CYP2J2: variants seen among roughly 807,000 people sequenced by gnomAD.
CYP2J2 encodes the protein cytochrome P450 2J2.
A neutral mutation model predicts 48.8 loss-of-function variants in CYP2J2; 41 were observed. The ratio of observed to expected loss-of-function variants is 0.84; its 90% CI spans 0.66 to 1.09. The LOEUF is 1.09. Among genes scored for constraint, CYP2J2 ranks in the 50% least tolerant of loss-of-function variants. CYP2J2 has a pLI of 0.00. For missense variants in CYP2J2, 644 were observed against 617.3 expected (o/e 1.04, Z -0.46); for synonymous variants, 221 against 227.1 (o/e 0.97, Z 0.24).
the CYP2J2 span, among the ~76,000 whole-genome samples, chr1:59,960,195 G>A: frequency 6.6e-6 from 1 of 152,068 alleles, no homozygotes; most frequent in Non-Finnish European, 1.5e-5. Flanking sequence ...GGTGATATAG[G>A]GAAGGGAAAA....
At chr1:59,963,426 C>T in the CYP2J2 span, among the ~76,000 whole-genome samples, 1 of 152,114 alleles carries the variant, frequency 6.6e-6, no homozygotes, top group Non-Finnish European at 1.5e-5. Flanking sequence ...TTTAGATATT[C>T]CATAAAAGAA....
rs56053398 is a variant in CYP2J2 at position 59,905,038 on chromosome 1, C to T, written c.1024G>A (p.Asp342Asn). 2.0e-4 allele frequency: 329 copies of T among 1,613,586 alleles called. 3 individuals carry two copies. The African/African-American group carries it at 4.0e-3, about 20-fold the overall frequency. The stretch of plus-strand genomic sequence containing the variant: ...TGCTGCCCCTGGCCAATCACTCTGT[C>T]AATCTCAGCTTGTACTTTTTCTGGT... ...EIQEKVQAEI[D>N]RVIGQGQQPS... The change falls in exon 7 of 9, where the codon GAC (aspartate) becomes AAC (asparagine). Residue 342 changes from aspartate to asparagine, a missense_variant. By Grantham distance (23) the Asp-to-Asn change is conservative (BLOSUM62 1). Coordinates refer to ENST00000371204, the MANE Select transcript of CYP2J2 (RefSeq NM_000775.4).
At chr1:59,899,959 C>T (rs1644302653) in intron 8 of CYP2J2, among the ~76,000 whole-genome samples, 1 of 152,112 alleles carries the variant, frequency 6.6e-6, no homozygotes, top group Non-Finnish European at 1.5e-5. Flanking sequence ...AAACCTGGAA[C>T]ATATTAAGAA....
At chr1:59,894,712 T>A (rs1044360398) in intron 8 of CYP2J2, among the ~76,000 whole-genome samples, 3 of 152,206 alleles carry the variant, frequency 2.0e-5, no homozygotes, top group Non-Finnish European at 4.4e-5. Flanking sequence ...AGCTAAATAA[T>A]TTAATAATTT....
At chr1:59,937,757 T>C in the CYP2J2 span, among the ~76,000 whole-genome samples, 1 of 152,152 alleles carries the variant, frequency 6.6e-6, no homozygotes, top group Non-Finnish European at 1.5e-5. Context: ...TTGTGTTTTA[T>C]TCTTCGTTCT....
chr1:59,957,690 ACACACACACACAC>A, the CYP2J2 span, among the ~76,000 whole-genome samples: 65 of 151,690 alleles, frequency 4.3e-4, no homozygotes, highest in African/African-American at 8.0e-4. Flanking sequence ...AGACACACAC[ACACACACACACAC>A]CACACACACA....
At chr1:59,912,374 A>AT (rs1323244402) in intron 2 of CYP2J2, 63 bp from the exon 3 acceptor site, 1 of 1,521,760 alleles carries the variant, frequency 6.6e-7, no homozygotes, top group Non-Finnish European at 9.0e-7. Flanking sequence ...CCAGCAAATG[A>AT]TATGGGAATG....
At chr1:59,957,926 G>A in the CYP2J2 span, among the ~76,000 whole-genome samples, 1 of 152,122 alleles carries the variant, frequency 6.6e-6, no homozygotes, top group South Asian at 2.1e-4. Context: ...CCTTCTGGAA[G>A]CAATACTAGG....
chr1:59,901,156 C>A (rs2102108369), intron 7 of CYP2J2, 53 bp from the exon 8 acceptor site: 6 of 1,588,734 alleles, frequency 3.8e-6, no homozygotes, highest in Non-Finnish European at 5.2e-6. Context: ...AAAAGCACAC[C>A]TATGCAGAGG....
chr1:59,895,315 G>C (rs1012193481), intron 8 of CYP2J2, among the ~76,000 whole-genome samples: 2 of 152,214 alleles, frequency 1.3e-5, no homozygotes, highest in Non-Finnish European at 2.9e-5. Context: ...CCTTTTTAAA[G>C]ATTACAGACC....
intron 8 of CYP2J2, among the ~76,000 whole-genome samples, chr1:59,899,332 T>G (rs1644296282): frequency 6.6e-6 from 1 of 152,174 alleles, no homozygotes; most frequent in African/African-American, 2.4e-5. Context: ...AATTGTCCAG[T>G]GTGAGCGGAG....
At chr1:59,908,463 T>C (rs538959016) in intron 5 of CYP2J2, among the ~76,000 whole-genome samples, 140 of 152,310 alleles carry the variant, frequency 9.2e-4, no homozygotes, top group African/African-American at 3.2e-3. Flanking sequence ...TTCTCATATC[T>C]CTTCATTCAC....
chr1:59,924,240 A>C (rs1032493388), intron 1 of CYP2J2, among the ~76,000 whole-genome samples: 1 of 152,202 alleles, frequency 6.6e-6, no homozygotes, highest in South Asian at 2.1e-4. Context: ...AAATAAATAC[A>C]TTCTTAGATG....
chr1:59,943,469 T>C, the CYP2J2 span, among the ~76,000 whole-genome samples: 6 of 152,128 alleles, frequency 3.9e-5, no homozygotes, highest in Non-Finnish European at 7.4e-5. Flanking sequence ...GAGGAATATG[T>C]TGTTGGGGCA....
the CYP2J2 span, among the ~76,000 whole-genome samples, chr1:59,967,544 T>C: frequency 3.3e-5 from 5 of 152,362 alleles, no homozygotes; most frequent in Non-Finnish European, 7.3e-5. Flanking sequence ...CCTGCCTTGT[T>C]ATCTGCCTTC....
chr1:59,893,310 T>C lies in CYP2J2; in HGVS notation c.*341A>G, dbSNP rs2280273. 0.13 allele frequency: 24,839 copies of C among 188,572 alleles called. 2,502 individuals carry two copies. The highest frequency in any genetic ancestry group is 0.3 in the African/African-American group (13,055 of 43,050). The allele number at this position is 188,572 out of a possible 1,614,324, so 11.7% of individuals were successfully genotyped here. Reference sequence around the variant, plus strand: ...AAGGAAGCAGGAAGGAGGCACACTATAGATAGAACTTTTATGATGTGTTTT... The same window carrying C: ...AAGGAAGCAGGAAGGAGGCACACTACAGATAGAACTTTTATGATGTGTTTT... On this transcript the variant is annotated 3_prime_UTR_variant, in exon 9 of 9. Coordinates refer to ENST00000371204, the MANE Select transcript of CYP2J2 (RefSeq NM_000775.4).
chr1:59,953,292 T>C, the CYP2J2 span, among the ~76,000 whole-genome samples: 1 of 152,154 alleles, frequency 6.6e-6, no homozygotes, highest in South Asian at 2.1e-4. Context: ...TAATCATGCA[T>C]TCAACAAATA....
chr1:59,959,147 T>G, the CYP2J2 span, among the ~76,000 whole-genome samples: 1 of 152,178 alleles, frequency 6.6e-6, no homozygotes, highest in Non-Finnish European at 1.5e-5. Context: ...AATTTCTCCC[T>G]GTATGTTGGA....
chr1:59,936,872 G>A, the CYP2J2 span, among the ~76,000 whole-genome samples: 1 of 152,164 alleles, frequency 6.6e-6, no homozygotes, highest in African/African-American at 2.4e-5. Flanking sequence ...AGGAATAAAT[G>A]TTCAGTTATT....
Sources: gnomAD v4.1 joint callset for allele counts (sites outside exome capture counted in the v4.1 genomes callset) on GRCh38, gnomAD v4.1.1 for gene constraint, MANE v1.5 for transcripts, NCBI Gene and HGNC (gene_info 2026-07-23, HGNC 2026-07-21) for gene names.